WWOX: variants seen among roughly 807,000 people sequenced by gnomAD.
The protein encoded by WWOX is WW domain containing oxidoreductase.
A neutral mutation model predicts 46.2 loss-of-function variants in WWOX; 69 were observed. The observed-to-expected ratio is 1.49, with a 90% CI of 1.23 to 1.82. The LOEUF is 1.82. Among genes scored for constraint, WWOX ranks in the 40% most tolerant of loss-of-function variants. The pLI, the probability that WWOX is intolerant of heterozygous loss-of-function variation, is 0.00. For synonymous variants in WWOX, 359 were observed against 202.6 expected (o/e 1.77, Z -6.56); for missense variants, 919 against 542.6 (o/e 1.69, Z -6.89).
intron 8 of WWOX, among the ~76,000 whole-genome samples, chr16:78,469,851 T>C (rs1412738505): frequency 1.3e-5 from 2 of 152,210 alleles, no homozygotes; most frequent in African/African-American, 4.8e-5. Flanking sequence ...GGTTATTTGC[T>C]AAACAGATCT....
intron 5 of WWOX, among the ~76,000 whole-genome samples, chr16:78,315,683 A>G (rs2080343720): frequency 6.6e-6 from 1 of 152,162 alleles, no homozygotes; most frequent in Non-Finnish European, 1.5e-5. Context: ...TTATGTGATT[A>G]GAGAGGGGAA....
chr16:78,996,209 T>G (rs1001496978), intron 8 of WWOX: 3 of 985,172 alleles, frequency 3.0e-6, no homozygotes, highest in Admixed American at 6.2e-5. Flanking sequence ...TAGAAATTTT[T>G]GAAGACTTGT....
chr16:78,526,512 C>T (rs1163536026), intron 8 of WWOX: 1 of 152,230 alleles, frequency 6.6e-6, no homozygotes, highest in Non-Finnish European at 1.5e-5. Context: ...TAGCCAGGGG[C>T]AGGGAACTTA....
intron 8 of WWOX, among the ~76,000 whole-genome samples, chr16:78,435,658 A>C (rs1220506366): frequency 4.6e-5 from 7 of 152,126 alleles, no homozygotes; most frequent in Non-Finnish European, 1.0e-4. Context: ...TTGAGATGGG[A>C]TTTGACATGA....
intron 8 of WWOX, among the ~76,000 whole-genome samples, chr16:78,738,409 G>C (rs1461111013): frequency 6.6e-6 from 1 of 152,130 alleles, no homozygotes; most frequent in African/African-American, 2.4e-5. Flanking sequence ...GTATGATGCT[G>C]GGTTTTACAA....
At chr16:78,964,850 C>G (rs894757467) in intron 8 of WWOX, among the ~76,000 whole-genome samples, 1 of 152,202 alleles carries the variant, frequency 6.6e-6, no homozygotes, top group African/African-American at 2.4e-5. Context: ...TGTGTCCCAG[C>G]CACTCCAGTC....
chr16:79,054,976 A>C (rs569312710), intron 8 of WWOX, among the ~76,000 whole-genome samples: 1 of 152,234 alleles, frequency 6.6e-6, no homozygotes, highest in Admixed American at 6.5e-5. Context: ...TGTGTGTGCA[A>C]TGGTTTTCCA....
At chr16:78,193,002 C>T (rs1046084840) in intron 5 of WWOX, among the ~76,000 whole-genome samples, 2 of 152,260 alleles carry the variant, frequency 1.3e-5, no homozygotes, top group East Asian at 1.9e-4. Context: ...GAGGGTTGGC[C>T]GTGGCTCCAC....
intron 8 of WWOX, among the ~76,000 whole-genome samples, chr16:79,187,867 G>A (rs116065793): frequency 6.6e-6 from 1 of 152,176 alleles, no homozygotes; most frequent in Non-Finnish European, 1.5e-5. Context: ...TTTTTGAGAA[G>A]AGAAAGAAAG....
chr16:79,016,589 AT>A, intron 8 of WWOX: 1 of 152,058 alleles, frequency 6.6e-6, no homozygotes. Flanking sequence ...TGCCCACCTA[AT>A]TTTTGTGTTT....
At chr16:78,973,953 C>G (rs2046522052) in intron 8 of WWOX, among the ~76,000 whole-genome samples, 1 of 152,158 alleles carries the variant, frequency 6.6e-6, no homozygotes, top group Non-Finnish European at 1.5e-5. Context: ...ATTACCTATC[C>G]TACGATTATT....
intron 8 of WWOX, among the ~76,000 whole-genome samples, chr16:79,088,840 G>C (rs1224315645): frequency 6.6e-6 from 1 of 152,138 alleles, no homozygotes; most frequent in African/African-American, 2.4e-5. Context: ...TAGAAGCCCA[G>C]GATGCATTCT....
chr16:79,193,602 G>T (rs1270624949), intron 8 of WWOX, among the ~76,000 whole-genome samples: 1 of 152,130 alleles, frequency 6.6e-6, no homozygotes, highest in Non-Finnish European at 1.5e-5. Context: ...TAAAGTAAGC[G>T]TTTCATTCAA....
intron 8 of WWOX, among the ~76,000 whole-genome samples, chr16:78,699,151 A>G (rs905047079): frequency 6.6e-6 from 1 of 152,200 alleles, no homozygotes. Context: ...GTAAAACTTT[A>G]TTTATAAAAA....
At chr16:78,709,014 CT>C in intron 8 of WWOX, among the ~76,000 whole-genome samples, 1 of 152,272 alleles carries the variant, frequency 6.6e-6, no homozygotes, top group Non-Finnish European at 1.5e-5. Context: ...GGCTCATAAA[CT>C]ATGTTTCGAA....
At chr16:78,418,295 T>C (rs959788029) in intron 6 of WWOX, among the ~76,000 whole-genome samples, 4 of 148,564 alleles carry the variant, frequency 2.7e-5, no homozygotes, top group African/African-American at 1.0e-4. Context: ...ACCCGGGAGG[T>C]GGAGCTTGCA....
intron 5 of WWOX, among the ~76,000 whole-genome samples, chr16:78,214,635 C>T (rs889202513): frequency 1.3e-5 from 2 of 152,118 alleles, no homozygotes; most frequent in South Asian, 4.1e-4. Flanking sequence ...GTCCCAGGTC[C>T]CTGAAAAAGT....
At chr16:78,773,156 G>T (rs2050105585) in intron 8 of WWOX, among the ~76,000 whole-genome samples, 1 of 152,336 alleles carries the variant, frequency 6.6e-6, no homozygotes, top group East Asian at 1.9e-4. Context: ...TGACGATTTT[G>T]TCGGTATCCT....
chr16:79,108,976 A>G (rs976274978), intron 8 of WWOX, among the ~76,000 whole-genome samples: 4 of 151,534 alleles, frequency 2.6e-5, no homozygotes, highest in Admixed American at 2.0e-4. Flanking sequence ...TCTGAGCAAC[A>G]TTATCCTTCT....
Sources: allele counts gnomAD v4.1 joint callset (sites outside exome capture counted in the v4.1 genomes callset), GRCh38; gene constraint gnomAD v4.1.1; transcripts MANE v1.5; gene names NCBI Gene and HGNC (gene_info 2026-07-23, HGNC 2026-07-21).